The following LINGO2 variants were observed in gnomAD, a reference collection of about 807,000 sequenced individuals.
LINGO2 encodes leucine rich repeat and Ig domain containing 2.
Under a neutral mutation model 30.6 loss-of-function variants are expected in LINGO2, and 14 were observed. The ratio of observed to expected loss-of-function variants is 0.46; its 90% CI spans 0.30 to 0.72. The LOEUF is 0.72. Ranked by LOEUF, LINGO2 falls within the 30% of genes least tolerant of loss-of-function variation. The pLI is 0.07. For missense variants in LINGO2, 729 were observed against 751.7 expected (o/e 0.97, Z 0.35); for synonymous variants, 317 against 288.5 (o/e 1.10, Z -1.00).
At chr9:28,506,487 TACACAC>T (rs374238897) in intron 1 of LINGO2, among the ~76,000 whole-genome samples, 21 of 40,420 alleles carry the variant, frequency 5.2e-4, no homozygotes, top group African/African-American at 1.1e-3. Flanking sequence ...CACATACACA[TACACAC>T]ACACACACAG....
At chr9:28,080,007 G>C (rs530033671) in intron 4 of LINGO2, among the ~76,000 whole-genome samples, 1 of 152,238 alleles carries the variant, frequency 6.6e-6, no homozygotes, top group South Asian at 2.1e-4. Context: ...CCATCATCAA[G>C]CCTGTCAGCT....
At chr9:28,876,961 T>C in the LINGO2 span, among the ~76,000 whole-genome samples, 1 of 152,294 alleles carries the variant, frequency 6.6e-6, no homozygotes, top group South Asian at 2.1e-4. Context: ...TGTGAGATGG[T>C]ATCTCATTCT....
the LINGO2 span, among the ~76,000 whole-genome samples, chr9:28,985,613 G>C: frequency 6.6e-6 from 1 of 152,048 alleles, no homozygotes. Flanking sequence ...CTAATAATTG[G>C]TGATGTGGAG....
the LINGO2 span, among the ~76,000 whole-genome samples, chr9:28,972,695 T>C: frequency 5.4e-3 from 823 of 152,274 alleles, 7 homozygotes; most frequent in African/African-American, 0.019. Flanking sequence ...AGAAAGAGGT[T>C]TAATGACCCA....
chr9:29,158,887 T>G, the LINGO2 span, among the ~76,000 whole-genome samples: 1 of 151,900 alleles, frequency 6.6e-6, no homozygotes, highest in Non-Finnish European at 1.5e-5. Context: ...TCTAAGAGCA[T>G]CCCATGTCCT....
chr9:28,863,787 C>T, the LINGO2 span: 1 of 375,124 alleles, frequency 2.7e-6, no homozygotes. Flanking sequence ...GTATTTCCAT[C>T]TAGTTCACAA....
At chr9:28,926,772 T>C in the LINGO2 span, among the ~76,000 whole-genome samples, 112,565 of 152,064 alleles carry the variant, frequency 0.74, 41,822 homozygotes, top group Non-Finnish European at 0.78. Flanking sequence ...CTGCTTTAAA[T>C]TCAGTTGAAG....
the LINGO2 span, among the ~76,000 whole-genome samples, chr9:28,944,103 G>C: frequency 6.6e-6 from 1 of 152,154 alleles, no homozygotes; most frequent in Non-Finnish European, 1.5e-5. Context: ...CAGTAAGCGA[G>C]ACTTCTTCTA....
chr9:28,356,440 A>C (rs147028515), intron 3 of LINGO2, among the ~76,000 whole-genome samples: 323 of 152,242 alleles, frequency 2.1e-3, no homozygotes, highest in African/African-American at 7.6e-3. Context: ...TCTCTGGGAA[A>C]GTTGAATGAG....
At chr9:28,189,965 T>A (rs1006135630) in intron 4 of LINGO2, among the ~76,000 whole-genome samples, 2 of 152,016 alleles carry the variant, frequency 1.3e-5, no homozygotes, top group African/African-American at 4.8e-5. Flanking sequence ...AGAAATTAAG[T>A]GAAACATAAG....
intron 4 of LINGO2, among the ~76,000 whole-genome samples, chr9:28,020,492 G>A (rs1823057847): frequency 6.6e-6 from 1 of 152,032 alleles, no homozygotes; most frequent in Admixed American, 6.6e-5. Context: ...TCGCACTACT[G>A]CACTCCAGCC....
intron 4 of LINGO2, among the ~76,000 whole-genome samples, chr9:28,226,228 G>A (rs1167826172): frequency 6.6e-6 from 1 of 152,076 alleles, no homozygotes; most frequent in African/African-American, 2.4e-5. Context: ...TACGAGAGTG[G>A]TTGTTTCAGG....
In LINGO2 at chr9:27,954,589, A is replaced by G. The variant is rs10968224; in HGVS notation, c.-35-3883T>C. On this transcript the variant is annotated intron_variant, in intron 5 of 5. Coordinates refer to ENST00000379992, the Ensembl canonical transcript of LINGO2. ...TGTACCACATTTTCTTTATCCATTC[A>G]TTTGTTGATGGACACTTAGATTGAT... Among the ~76,000 whole-genome samples, 1,538 of 152,200 alleles carry G rather than the reference A, an allele frequency of 0.01. 132 individuals carry two copies. In the East Asian group the frequency reaches 0.21, roughly 21 times the overall value.
chr9:28,108,861 G>C (rs951111408), intron 4 of LINGO2, among the ~76,000 whole-genome samples: 1 of 152,062 alleles, frequency 6.6e-6, no homozygotes, highest in Non-Finnish European at 1.5e-5. Flanking sequence ...GTATAACAAT[G>C]TGCTGAATTT....
At chr9:28,404,731 C>T (rs964787636) in intron 2 of LINGO2, among the ~76,000 whole-genome samples, 1 of 152,124 alleles carries the variant, frequency 6.6e-6, no homozygotes, top group Non-Finnish European at 1.5e-5. Flanking sequence ...TGACAATCAG[C>T]TCTTTATTGT....
chr9:28,046,401 G>A (rs754397239), intron 4 of LINGO2, among the ~76,000 whole-genome samples: 8 of 152,126 alleles, frequency 5.3e-5, no homozygotes, highest in African/African-American at 9.7e-5. Flanking sequence ...TCAGTAGTCC[G>A]GAATGGGGTC....
the LINGO2 span, among the ~76,000 whole-genome samples, chr9:28,748,744 C>T: frequency 3.9e-5 from 6 of 151,906 alleles, no homozygotes; most frequent in Non-Finnish European, 8.8e-5. Flanking sequence ...ATTAGAACAA[C>T]ATATGTCTAA....
the LINGO2 span, among the ~76,000 whole-genome samples, chr9:29,156,520 TG>T: frequency 6.6e-6 from 1 of 152,112 alleles, no homozygotes; most frequent in Non-Finnish European, 1.5e-5. Context: ...AAATGTATTT[TG>T]GTACATGATT....
chr9:29,092,145 T>G, the LINGO2 span, among the ~76,000 whole-genome samples: 1 of 151,972 alleles, frequency 6.6e-6, no homozygotes, highest in Non-Finnish European at 1.5e-5. Context: ...AACATTCCTA[T>G]AAAATAGGTA....
Sources: gnomAD v4.1 joint callset for allele counts (sites outside exome capture counted in the v4.1 genomes callset) on GRCh38, gnomAD v4.1.1 for gene constraint, MANE v1.5 for transcripts, NCBI Gene and HGNC (gene_info 2026-07-23, HGNC 2026-07-21) for gene names.